The following DDR1 variants were observed in gnomAD, a reference collection of about 807,000 sequenced individuals.
The protein encoded by DDR1 is epithelial discoidin domain-containing receptor 1.
DDR1 carries 64 observed loss-of-function variants against 97.4 expected under a neutral mutation model. The ratio of observed to expected loss-of-function variants is 0.66; its 90% CI spans 0.54 to 0.81. The LOEUF (loss-of-function observed/expected upper bound fraction) is 0.81. Ranked by LOEUF, DDR1 falls within the 30% of genes least tolerant of loss-of-function variation. DDR1 has a pLI of 0.00. For synonymous variants in DDR1, 458 were observed against 503.7 expected, an observed-to-expected ratio of 0.91 and a Z score of 1.21; for missense variants, 990 against 1,259.6, an observed-to-expected ratio of 0.79 and a Z score of 3.24.
chr6:30,888,873 G>T lies in DDR1; in HGVS notation c.86-35G>T. The T allele has an allele frequency of 6.2e-7, 1 of 1,612,912 alleles. No homozygotes were observed. The highest frequency in any genetic ancestry group is 2.2e-5 in the East Asian group (1 of 44,876). ...AGGGCTTGGGAGGTAGAGAGTTGGG[G>T]GCCTTGACCTGTTACATGCCTGCTT... On this transcript the variant is annotated intron_variant, in intron 2 of 17. Transcript: ENST00000376568. This position sits in a 1 kb window ranked among gnomAD's most constrained non-coding sequence, Gnocchi z 4.2.
intron 1 of DDR1, chr6:30,885,533 T>C: frequency 7.4e-7 from 1 of 1,345,794 alleles, no homozygotes; most frequent in Admixed American, 2.8e-5. Flanking sequence ...CCCAGTTCTC[T>C]GGGGATCCTG....
Position 30,898,986 on chromosome 6 carries a change from C to A in DDR1, c.2550C>A (p.Asp850Glu), listed in dbSNP as rs149355839. The A allele has an allele frequency of 6.2e-7, 1 of 1,614,058 alleles. No individual in the cohort carries two copies. Among genetic ancestry groups the A allele is most frequent in the Non-Finnish European group, 8.5e-7 (1 of 1,180,044 alleles). Residue 850 changes from aspartate to glutamate, a missense_variant, in exon 17 of 18, where the codon GAC becomes GAA. Physicochemically the swap from Asp to Glu is conservative, Grantham distance 45 (BLOSUM62 2). Transcript: ENST00000376568. ...CRAQPFGQLT[D>E]EQVIENAGEF... ...CCCAGCCCTTTGGGCAGCTCACCGA[C>A]GAGCAGGTCATCGAGAACGCGGGGG...
rs755801654 is a variant in DDR1 at position 30,899,925 on chromosome 6, C to G, written c.*629C>G. ...TAGCTAGAACTTCTCTAAGCCTATA[C>G]GTTTCTGTGGAGTAAATATTGGGAT... is the stretch of plus-strand genomic sequence containing the variant. On this transcript the variant is annotated 3_prime_UTR_variant, in exon 18 of 18. Transcript: ENST00000376568. 1 of 530,158 alleles carries G rather than the reference C, an allele frequency of 1.9e-6. No individual in the cohort carries two copies. The highest frequency in any genetic ancestry group is 3.6e-6 in the Non-Finnish European group (1 of 275,854). The allele number at this position is 530,158 out of a possible 1,614,324, so 32.8% of individuals were successfully genotyped here.
rs1409701066 is a variant in DDR1, at chr6:30,894,103, G to T, written c.1348-403G>T. Among the ~76,000 whole-genome samples, 2 of 150,492 alleles carry T rather than the reference G, an allele frequency of 1.3e-5. No homozygotes were observed. Among genetic ancestry groups the T allele is most frequent in the Non-Finnish European group, 3.0e-5 (2 of 67,374 alleles). On this transcript the variant is annotated intron_variant, in intron 10 of 17. Transcript: ENST00000376568. The surrounding 1 kb of genome is among the most constrained non-coding windows in gnomAD (Gnocchi z 5.7). ...CATCTCTACTAAGAATACAAAATTA[G>T]CCAGGCATGGTGGCTGATGCCTGTA...
chr6:30,896,717 T>C lies in DDR1; in HGVS notation c.1721T>C (p.Ile574Thr). The change falls in exon 13 of 18, where the codon ATT becomes ACT. Residue 574 changes from isoleucine to threonine, a missense_variant. Coordinates refer to ENST00000376568, the MANE Select transcript of DDR1 (RefSeq NM_001297654.2). ...NSVPHYAEAD[I>T]VTLQGVTGGN... is the part of the protein sequence containing the mutation. ...GTCCCCCATTATGCCGAGGCTGACA[T>C]TGTTACCCTGCAGGGCGTCACCGGG... 2.5e-6 allele frequency: 4 copies of C among 1,605,646 alleles called. No individual in the cohort carries two copies. The highest frequency in any genetic ancestry group is 2.2e-5 in the East Asian group (1 of 44,756).
At position 30,899,216 on chromosome 6, in the gene DDR1, T is replaced by C; in HGVS notation, c.2662T>C (p.Trp888Arg). The C allele has an allele frequency of 6.2e-7, 1 of 1,614,216 alleles. No homozygotes were observed. Among genetic ancestry groups the C allele is most frequent in the Non-Finnish European group, 8.5e-7 (1 of 1,180,024 alleles). Residue 888 changes from tryptophan to arginine, a missense_variant, in exon 18 of 18, where the codon TGG becomes CGG. Physicochemically the swap from Trp to Arg is moderately radical, Grantham distance 101 (BLOSUM62 -3). Coordinates refer to ENST00000376568, the MANE Select transcript of DDR1 (RefSeq NM_001297654.2). ...QGLYELMLRC[W>R]SRESEQRPPF... is the part of the protein sequence containing the mutation. Reference sequence around the variant, plus strand: ...CCTATATGAGCTGATGCTTCGGTGCTGGAGCCGGGAGTCTGAGCAGCGACC... The same window carrying C: ...CCTATATGAGCTGATGCTTCGGTGCCGGAGCCGGGAGTCTGAGCAGCGACC...
At chr6:30,885,644 C>A in intron 1 of DDR1, 1 of 1,346,542 alleles carries the variant, frequency 7.4e-7, no homozygotes, top group Non-Finnish European at 9.7e-7. Flanking sequence ...GGTGGCTATT[C>A]ACTGAGCGAT....
Sources: allele counts gnomAD v4.1 joint callset (sites outside exome capture counted in the v4.1 genomes callset), GRCh38; gene constraint gnomAD v4.1.1; non-coding constraint Gnocchi (gnomAD v3.1); transcripts MANE v1.5; gene names NCBI Gene and HGNC (gene_info 2026-07-23, HGNC 2026-07-21).